METTL6: variants seen among roughly 807,000 people sequenced by gnomAD.
METTL6 encodes the protein methyltransferase 6, tRNA N3-cytidine.
A neutral mutation model predicts 26.4 loss-of-function variants in METTL6; 22 were observed. That is an observed-to-expected ratio of 0.83 (90% CI 0.59 to 1.19). METTL6 has a LOEUF of 1.19. Ranked by LOEUF, METTL6 falls within the 50% of genes most tolerant of loss-of-function variation. METTL6 has a pLI of 0.00. For missense variants in METTL6, 304 were observed against 324.8 expected (o/e 0.94, Z 0.49); for synonymous variants, 109 against 116.2 (o/e 0.94, Z 0.40).
intron 3 of METTL6, among the ~76,000 whole-genome samples, chr3:15,419,429 T>C (rs948776356): frequency 1.1e-4 from 17 of 152,272 alleles, no homozygotes; most frequent in Admixed American, 5.9e-4. Context: ...CATTAAGCTC[T>C]CAATAAACAA....
At chr3:15,397,016 A>G (rs1452148285) in intron 6 of METTL6, among the ~76,000 whole-genome samples, 1 of 152,218 alleles carries the variant, frequency 6.6e-6, no homozygotes, top group East Asian at 1.9e-4. Context: ...CAAAGCTGTC[A>G]GACAGGGACA....
At chr3:15,426,873 T>C (rs755322719) in intron 1 of METTL6, among the ~76,000 whole-genome samples, 1 of 152,276 alleles carries the variant, frequency 6.6e-6, no homozygotes, top group Non-Finnish European at 1.5e-5. Flanking sequence ...ACTATTACAA[T>C]AAATCGATTT....
intron 6 of METTL6, among the ~76,000 whole-genome samples, chr3:15,388,089 TTTGTTGTTG>T (rs71632851): frequency 0.077 from 11,524 of 150,474 alleles, 1,201 homozygotes; most frequent in African/African-American, 0.24. Flanking sequence ...AAATAAGAGT[TTTGTTGTTG>T]TTGTTGTTGT....
At chr3:15,403,905 C>T (rs1699714458) in intron 6 of METTL6, among the ~76,000 whole-genome samples, 1 of 152,166 alleles carries the variant, frequency 6.6e-6, no homozygotes, top group South Asian at 2.1e-4. Context: ...GGGCAACTTC[C>T]TGACATTGCC....
At position 15,415,920 on chromosome 3, in the gene METTL6, T is replaced by C; in HGVS notation, c.383A>G (p.Glu128Gly). The change falls in exon 4 of 6, where the codon GAA becomes GGA. Residue 128 changes from glutamate to glycine, a missense_variant. Transcript: ENST00000383790. ...YVKQNPLYDT[E>G]RCKVFQCDLT... ...ATCACACTGGAATACCTTGCATCTT[T>C]CTGTATCATATAAAGGATTTTGCTA... 1 of 1,612,884 alleles carries C rather than the reference T, an allele frequency of 6.2e-7. No individual in the cohort carries two copies. Among genetic ancestry groups the C allele is most frequent in the Non-Finnish European group, 8.5e-7 (1 of 1,179,684 alleles).
intron 6 of METTL6, chr3:15,399,321 G>T (rs1699575027): frequency 6.6e-6 from 1 of 151,556 alleles, no homozygotes; most frequent in Admixed American, 6.6e-5. Flanking sequence ...TATGCCTACA[G>T]AGTAGCCATT....
Position 15,427,423 on chromosome 3 carries a change from C to T in METTL6, c.-146G>A. On this transcript the variant is annotated 5_prime_UTR_variant, in exon 1 of 6. Coordinates refer to ENST00000383790, the MANE Select transcript of METTL6 (RefSeq NM_152396.4). ...TCACCCCACAGCCAGCCCCACTGGG[C>T]CTCGGAGGCAGAATACGGGAAGAAC... The T allele has an allele frequency of 3.3e-6, 1 of 306,932 alleles. No individual in the cohort carries two copies. The highest frequency in any genetic ancestry group is 6.3e-6 in the Non-Finnish European group (1 of 159,762). The allele number at this position is 306,932 out of a possible 1,614,324, so 19.0% of individuals were successfully genotyped here.
chr3:15,421,107 T>C (rs953362403), intron 3 of METTL6, among the ~76,000 whole-genome samples: 12 of 152,198 alleles, frequency 7.9e-5, no homozygotes, highest in African/African-American at 2.4e-4. Context: ...AGTCAGAATC[T>C]CCATATCTAG....
intron 6 of METTL6, among the ~76,000 whole-genome samples, chr3:15,388,152 C>A (rs1699248077): frequency 6.6e-6 from 1 of 151,332 alleles, no homozygotes; most frequent in Admixed American, 6.6e-5. Context: ...CTCTTGTCGC[C>A]CAGGCTGGAG....
chr3:15,384,612 AC>A (rs1297437531), intron 6 of METTL6: 1 of 153,464 alleles, frequency 6.5e-6, no homozygotes, highest in Non-Finnish European at 1.4e-5. Context: ...GATGGCACAC[AC>A]CTGTAGCCTC....
chr3:15,398,518 G>T (rs116287694), intron 6 of METTL6, among the ~76,000 whole-genome samples: 1 of 152,132 alleles, frequency 6.6e-6, no homozygotes, highest in African/African-American at 2.4e-5. Flanking sequence ...GATTTTCTTC[G>T]TTCAGTGGGC....
Position 15,411,416 on chromosome 3 carries a change from A to G in METTL6, c.695T>C (p.Met232Thr). 1 of 1,613,936 alleles carries G rather than the reference A, an allele frequency of 6.2e-7. No homozygotes were observed. The highest frequency in any genetic ancestry group is 8.5e-7 in the Non-Finnish European group (1 of 1,179,936). The change falls in exon 6 of 6, where the codon ATG (methionine) becomes ACG (threonine). Residue 232 changes from methionine to threonine, a missense_variant. Coordinates refer to ENST00000383790, the MANE Select transcript of METTL6 (RefSeq NM_152396.4). ...TACCACTTCTTCATAACCTGTGTCC[A>G]TAAAGAGCTGAGCCAGGAAGTCTGT... is the stretch of plus-strand genomic sequence containing the variant. Reference protein sequence around the residue: ...FTDDFLAQLFMDTGYEEVVNE... With the variant: ...FTDDFLAQLFTDTGYEEVVNE...
At chr3:15,413,820 A>G in intron 5 of METTL6, 1 of 1,492,684 alleles carries the variant, frequency 6.7e-7, no homozygotes, top group South Asian at 1.2e-5. Flanking sequence ...CTGACACCAG[A>G]GAAGGCTTGT....
At chr3:15,391,934 T>G (rs1329979244) in intron 6 of METTL6, among the ~76,000 whole-genome samples, 2 of 152,168 alleles carry the variant, frequency 1.3e-5, no homozygotes, top group Non-Finnish European at 2.9e-5. Context: ...GTCTTTGCTA[T>G]TGTGAATAGT....
Position 15,426,329 on chromosome 3 carries a change from G to T in METTL6, c.183C>A (p.His61Gln), listed in dbSNP as rs1416938725. ...GCTCCTCAAACTCTCTGGTGGTCCA[G>T]TGTCTGTCTTTGAAGAAATTAGTGC... Reference protein sequence around the residue: ...RNSTNFFKDRHWTTREFEELR... With the variant: ...RNSTNFFKDRQWTTREFEELR... The change falls in exon 2 of 6, where the codon CAC becomes CAA. Residue 61 changes from histidine to glutamine, a missense_variant. Coordinates refer to ENST00000383790, the MANE Select transcript of METTL6 (RefSeq NM_152396.4). The T allele has an allele frequency of 6.2e-7, 1 of 1,614,186 alleles. No individual in the cohort carries two copies. Among genetic ancestry groups the T allele is most frequent in the Non-Finnish European group, 8.5e-7 (1 of 1,180,030 alleles).
At chr3:15,426,175 G>A (rs113634062) in intron 2 of METTL6, 112 bp downstream of exon 2, 11 of 986,944 alleles carry the variant, frequency 1.1e-5, no homozygotes, top group South Asian at 7.8e-5. Context: ...TCTTGACTTC[G>A]TGATCCGCCT....
At chr3:15,386,834 C>T (rs1421624835) in intron 6 of METTL6, among the ~76,000 whole-genome samples, 2 of 151,870 alleles carry the variant, frequency 1.3e-5, no homozygotes, top group South Asian at 4.1e-4. Context: ...ACTCTTGTCA[C>T]TCAGGCTGGA....
At chr3:15,421,253 A>G (rs2061605848) in intron 3 of METTL6, among the ~76,000 whole-genome samples, 1 of 152,230 alleles carries the variant, frequency 6.6e-6, no homozygotes, top group Admixed American at 6.5e-5. Flanking sequence ...ATATAATAAT[A>G]TAATTAGTAA....
At position 15,411,399 on chromosome 3, in the gene METTL6, CT is replaced by C. The variant is rs1559488930; in HGVS notation, c.711del (p.Glu238LysfsTer3). Reference protein sequence around the residue: ...LAQLFMDTGYEEVVNEYVFRE... With the variant: ...LAQLFMDTGYXEVVNEYVFRE... Reference sequence around the variant, plus strand: ...CGAAACACATACTCGTTTACCACTTCTTCATAACCTGTGTCCATAAAGAGCT... The same window carrying C: ...CGAAACACATACTCGTTTACCACTTCTCATAACCTGTGTCCATAAAGAGCT... On this transcript the variant is annotated frameshift_variant, in exon 6 of 6. Coordinates refer to ENST00000383790, the MANE Select transcript of METTL6 (RefSeq NM_152396.4). LOFTEE classifies it high-confidence loss of function. The C allele has an allele frequency of 6.2e-7, 1 of 1,614,184 alleles. No homozygotes were observed. Among genetic ancestry groups the C allele is most frequent in the South Asian group, 1.1e-5 (1 of 91,086 alleles).
Sources: allele counts gnomAD v4.1 joint callset (sites outside exome capture counted in the v4.1 genomes callset), GRCh38; gene constraint gnomAD v4.1.1; transcripts MANE v1.5; gene names NCBI Gene and HGNC (gene_info 2026-07-23, HGNC 2026-07-21).